KATNAL1: variants seen among roughly 807,000 people sequenced by gnomAD.
KATNAL1 encodes the protein katanin p60 ATPase-containing subunit A-like 1.
KATNAL1 carries 32 observed loss-of-function variants against 55.2 expected under a neutral mutation model. That is an observed-to-expected ratio of 0.58 (90% CI 0.44 to 0.78). The LOEUF (loss-of-function observed/expected upper bound fraction) is 0.78, where lower values mean the gene tolerates loss of function less well. Among genes scored for constraint, KATNAL1 ranks in the 30% least tolerant of loss-of-function variants. The pLI is 0.00. For synonymous variants in KATNAL1, 193 were observed against 193.6 expected (o/e 1.00, Z 0.02); for missense variants, 466 against 600.9 (o/e 0.78, Z 2.35).
At chr13:30,263,714 G>T (rs898625295) in intron 3 of KATNAL1, among the ~76,000 whole-genome samples, 20 of 139,236 alleles carry the variant, frequency 1.4e-4, no homozygotes, top group African/African-American at 4.0e-4. Context: ...CACTGCTCAA[G>T]GAAATAAAAG....
At chr13:30,244,546 T>C (rs1877596665) in intron 4 of KATNAL1, among the ~76,000 whole-genome samples, 1 of 152,116 alleles carries the variant, frequency 6.6e-6, no homozygotes, top group African/African-American at 2.4e-5. Flanking sequence ...CCACCAACAG[T>C]GTAAAAGCGT....
Position 30,256,021 on chromosome 13 carries a change from G to C in KATNAL1, c.324-406C>G, listed in dbSNP as rs116911693. ...AAAAGCATTAAAAGCTGTAAGGACA[G>C]AAGTTCTAAATAAGTCTATTTGTAC... is the stretch of plus-strand genomic sequence containing the variant. On this transcript the variant is annotated intron_variant, in intron 3 of 10. Coordinates refer to ENST00000380615, the MANE Select transcript of KATNAL1 (RefSeq NM_032116.5). Among the ~76,000 whole-genome samples, 446 of 152,286 alleles carry C rather than the reference G, an allele frequency of 2.9e-3. 3 individuals are homozygous for C. The highest frequency in any genetic ancestry group is 6.8e-3 in the Middle Eastern group (2 of 294).
At chr13:30,226,093 C>A (rs1294691382) in intron 9 of KATNAL1, among the ~76,000 whole-genome samples, 3 of 152,118 alleles carry the variant, frequency 2.0e-5, no homozygotes, top group Non-Finnish European at 2.9e-5. Context: ...TTCATACTTA[C>A]TAGAATGACT....
intron 3 of KATNAL1, among the ~76,000 whole-genome samples, chr13:30,257,769 T>A (rs1383983837): frequency 6.6e-6 from 1 of 151,368 alleles, no homozygotes; most frequent in Non-Finnish European, 1.5e-5. Context: ...CTAAATAGTC[T>A]GAGTGAAACT....
At chr13:30,236,448 G>A (rs1157459385) in intron 6 of KATNAL1, among the ~76,000 whole-genome samples, 1 of 152,132 alleles carries the variant, frequency 6.6e-6, no homozygotes, top group Non-Finnish European at 1.5e-5. Flanking sequence ...CCGCATCCCT[G>A]TAAACAATCA....
intron 1 of KATNAL1, among the ~76,000 whole-genome samples, chr13:30,292,206 A>G (rs1405919136): frequency 6.6e-6 from 1 of 152,190 alleles, no homozygotes; most frequent in Non-Finnish European, 1.5e-5. Flanking sequence ...AATTTTTTCC[A>G]GCAAAAGGGT....
At position 30,259,679 on chromosome 13, in the gene KATNAL1, C is replaced by T. The variant is rs181181923; in HGVS notation, c.324-4064G>A. On this transcript the variant is annotated intron_variant, in intron 3 of 10. Transcript: ENST00000380615. ...GCTTTTCTGACGGTCTTAAAAAACG[C>T]GGCACCAGGAGATTATATCCCGCAC... 2.7e-3 allele frequency among the ~76,000 whole-genome samples: 407 copies of T among 152,290 alleles called. 1 individual carries two copies. Among genetic ancestry groups the T allele is most frequent in the Admixed American group, 0.015 (229 of 15,300 alleles).
chr13:30,258,761 AT>A, intron 3 of KATNAL1, among the ~76,000 whole-genome samples: 1 of 151,804 alleles, frequency 6.6e-6, no homozygotes, highest in Non-Finnish European at 1.5e-5. Flanking sequence ...GAGTATCTCG[AT>A]TTTTTTTCAC....
chr13:30,239,685 A>ATTT (rs35752433), intron 6 of KATNAL1, among the ~76,000 whole-genome samples: 17 of 99,052 alleles, frequency 1.7e-4, no homozygotes, highest in African/African-American at 2.6e-4. Context: ...TACAGAAGTG[A>ATTT]TTTTTTTTTT....
intron 6 of KATNAL1, among the ~76,000 whole-genome samples, chr13:30,234,609 G>A (rs192504802): frequency 6.6e-6 from 1 of 152,084 alleles, no homozygotes; most frequent in East Asian, 1.9e-4. Context: ...CAAAACTCCT[G>A]AACAAACTCA....
chr13:30,269,314 C>A (rs1210769840), intron 3 of KATNAL1, among the ~76,000 whole-genome samples: 3 of 152,260 alleles, frequency 2.0e-5, no homozygotes, highest in East Asian at 1.9e-4. Context: ...CAGCTCCTAA[C>A]CGCGAGTGAT....
chr13:30,254,232 TTAA>T, intron 4 of KATNAL1, among the ~76,000 whole-genome samples: 1 of 152,266 alleles, frequency 6.6e-6, no homozygotes, highest in South Asian at 2.1e-4. Context: ...AAAATAATAT[TTAA>T]GATAAAGAGT....
chr13:30,304,269 T>C (rs1331018133), intron 1 of KATNAL1, among the ~76,000 whole-genome samples: 2 of 106,768 alleles, frequency 1.9e-5, no homozygotes, highest in Non-Finnish European at 4.6e-5. Context: ...CACACAACTC[T>C]TTTTTTTTTT....
intron 3 of KATNAL1, among the ~76,000 whole-genome samples, chr13:30,274,021 T>C (rs765633679): frequency 2.0e-5 from 3 of 152,130 alleles, no homozygotes; most frequent in Non-Finnish European, 2.9e-5. Flanking sequence ...CATCCCACCG[T>C]ATGTGGGACG....
intron 6 of KATNAL1, among the ~76,000 whole-genome samples, chr13:30,237,308 C>T (rs1217028053): frequency 6.6e-6 from 1 of 152,158 alleles, no homozygotes; most frequent in Non-Finnish European, 1.5e-5. Context: ...TCAGGAATCA[C>T]ATATAAATCC....
rs1199654934 is a variant in KATNAL1 at position 30,204,051 on chromosome 13, A to G, written c.*4489T>C. On this transcript the variant is annotated 3_prime_UTR_variant, in exon 11 of 11. Transcript: ENST00000380615. ...TACCCCCCTAACATGTCCCCTAAGT[A>G]TAATTTCTGCTTTTTCCTATTGTGA... The G allele has an allele frequency of 6.6e-6, 1 of 151,910 alleles. No homozygotes were observed. Among genetic ancestry groups the G allele is most frequent in the Non-Finnish European group, 1.5e-5 (1 of 68,034 alleles). 9.4% of individuals were successfully genotyped at this position (151,910 alleles called of 1,614,324 possible). A position where few individuals can be genotyped will look rare whatever the true frequency, so the allele number is the denominator to read the frequency against.
At position 30,270,936 on chromosome 13, in the gene KATNAL1, A is replaced by G. The variant is rs909923139; in HGVS notation, c.323+9127T>C. ...ACAAAAAATAATAAAATAAAAAAAA[A>G]AAAAGAAAAATAAAGCTGACTAAGG... On this transcript the variant is annotated intron_variant, in intron 3 of 10. Transcript: ENST00000380615. 6.6e-5 allele frequency among the ~76,000 whole-genome samples: 10 copies of G among 152,166 alleles called. No individual in the cohort carries two copies. In the East Asian group the frequency reaches 9.6e-4, roughly 15 times the overall value.
chr13:30,249,515 G>A (rs1878104763), intron 4 of KATNAL1, among the ~76,000 whole-genome samples: 1 of 152,062 alleles, frequency 6.6e-6, no homozygotes, highest in Admixed American at 6.5e-5. Flanking sequence ...CCATTAATAA[G>A]AAAACAGATT....
chr13:30,250,801 G>C (rs1443154502), intron 4 of KATNAL1, among the ~76,000 whole-genome samples: 1 of 152,174 alleles, frequency 6.6e-6, no homozygotes, highest in Non-Finnish European at 1.5e-5. Flanking sequence ...GATAATGGAA[G>C]TACTGCTCAT....
Sources: gnomAD v4.1 joint callset for allele counts (sites outside exome capture counted in the v4.1 genomes callset) on GRCh38, gnomAD v4.1.1 for gene constraint, MANE v1.5 for transcripts, NCBI Gene and HGNC (gene_info 2026-07-23, HGNC 2026-07-21) for gene names.